PHF19: variants seen among roughly 807,000 people sequenced by gnomAD.
PHF19 encodes the protein polycomb like 3.
Under a neutral mutation model 79.8 loss-of-function variants are expected in PHF19, and 21 were observed. That is an observed-to-expected ratio of 0.26 (90% CI 0.19 to 0.38). The LOEUF (loss-of-function observed/expected upper bound fraction) is 0.38. Ranked by LOEUF, PHF19 falls within the 10% of genes least tolerant of loss-of-function variation. PHF19 has a pLI of 1.00. For synonymous variants in PHF19, 273 were observed against 296.3 expected, an observed-to-expected ratio of 0.92 and a Z score of 0.81; for missense variants, 445 against 744.2, an observed-to-expected ratio of 0.60 and a Z score of 4.68.
chr9:120,869,362 C>T lies in PHF19; in HGVS notation c.466-32G>A, dbSNP rs1239528615. ...GGAGACGAGGGCCCCAGTCAACCAC[C>T]AGGTCCGGGTGGACCACGCGAGTCA... On this transcript the variant is annotated intron_variant, in intron 5 of 14. Transcript: ENST00000373896. The surrounding 1 kb of genome is among the most constrained non-coding windows in gnomAD (Gnocchi z 5.8). 14 of 1,605,282 alleles carry T rather than the reference C, an allele frequency of 8.7e-6. No homozygotes were observed. Among genetic ancestry groups the T allele is most frequent in the Non-Finnish European group, 1.0e-5 (12 of 1,176,802 alleles).
Position 120,869,994 on chromosome 9 carries a change from A to G in PHF19, c.365-49T>C. ...AGCGCCCACAAGGACATCGTGGCCC[A>G]AGGCCAGTTGGCCCAAAGGAGGCAG... is the stretch of plus-strand genomic sequence containing the variant. On this transcript the variant is annotated intron_variant, in intron 4 of 14. Transcript: ENST00000373896. The surrounding 1 kb of genome is among the most constrained non-coding windows in gnomAD (Gnocchi z 5.8). 1 of 1,540,366 alleles carries G rather than the reference A, an allele frequency of 6.5e-7. No homozygotes were observed. Among genetic ancestry groups the G allele is most frequent in the Non-Finnish European group, 8.8e-7 (1 of 1,141,666 alleles).
At chr9:120,868,300 C>A (rs2045766676) in intron 6 of PHF19, 1 of 152,276 alleles carries the variant, frequency 6.6e-6, no homozygotes, top group Non-Finnish European at 1.5e-5. Flanking sequence ...AAAAGGTTAT[C>A]TTGACTTTCA....
intron 1 of PHF19, among the ~76,000 whole-genome samples, chr9:120,883,810 T>G (rs368771528): frequency 2.4e-3 from 310 of 128,530 alleles, no homozygotes; most frequent in Middle Eastern, 4.0e-3. Flanking sequence ...AGCTAGGGGG[T>G]GGGGCTAGGG....
chr9:120,883,647 C>A (rs985756056), intron 1 of PHF19, among the ~76,000 whole-genome samples: 12 of 151,792 alleles, frequency 7.9e-5, no homozygotes, highest in Admixed American at 7.2e-4. Context: ...GTGGTCCTAG[C>A]TACTTGGGAG....
intron 6 of PHF19, chr9:120,868,807 C>A (rs1341482395): frequency 2.0e-6 from 2 of 1,018,980 alleles, no homozygotes; most frequent in Non-Finnish European, 2.3e-6. Flanking sequence ...ACCTGCCTCA[C>A]CTCCCTGGGG....
chr9:120,894,978 C>G (rs970067128), upstream of PHF19: 1 of 375,112 alleles, frequency 2.7e-6, no homozygotes, highest in African/African-American at 2.1e-5. Context: ...CGATGGGAGC[C>G]TGCCATGGGC....
rs942519210 is a variant in PHF19, at chr9:120,891,830, A to C, written c.42+2958T>G. On this transcript the variant is annotated intron_variant, in intron 1 of 14. Transcript: ENST00000616568. This position sits in a 1 kb window ranked among gnomAD's most constrained non-coding sequence, Gnocchi z 4.3. ...GGATGCCTGTCTGAGCCCCACCCCAAATCCAAGGAGCCAGACCAGGGACCC... is the reference window on the plus strand; with the variant it reads ...GGATGCCTGTCTGAGCCCCACCCCACATCCAAGGAGCCAGACCAGGGACCC... 6.6e-6 allele frequency among the ~76,000 whole-genome samples: 1 copy of C among 151,970 alleles called. No individual in the cohort carries two copies. The highest frequency in any genetic ancestry group is 1.5e-5 in the Non-Finnish European group (1 of 67,966).
chr9:120,895,611 C>A (rs1364276234), upstream of PHF19, among the ~76,000 whole-genome samples: 1 of 152,078 alleles, frequency 6.6e-6, no homozygotes, highest in Non-Finnish European at 1.5e-5. Context: ...CAAGTGATTG[C>A]CTTAAAGAGA....
In PHF19 at chr9:120,874,328, T is replaced by G. The variant is rs1015990896; in HGVS notation, c.186+228A>C. ...GATCCTCTCAAACCTGACTTTTTTG[T>G]TTTGTAGGCTCTCAGAGCACTTTTC... is the stretch of plus-strand genomic sequence containing the variant. On this transcript the variant is annotated intron_variant, in intron 2 of 14. Transcript: ENST00000373896. This position sits in a 1 kb window ranked among gnomAD's most constrained non-coding sequence, Gnocchi z 4.5. 6.6e-6 allele frequency among the ~76,000 whole-genome samples: 1 copy of G among 152,134 alleles called. No homozygotes were observed. The highest frequency in any genetic ancestry group is 2.4e-5 in the African/African-American group (1 of 41,426).
chr9:120,876,145 C>T (rs2046042529), intron 1 of PHF19: 1 of 152,740 alleles, frequency 6.5e-6, no homozygotes, highest in Admixed American at 6.5e-5. Context: ...GCGAGCCAGG[C>T]ACTGCAGGGG....
intron 8 of PHF19, 86 bp from the exon 9 acceptor site, chr9:120,865,916 A>G: frequency 1.2e-6 from 2 of 1,601,004 alleles, no homozygotes; most frequent in Non-Finnish European, 8.6e-7. Flanking sequence ...AGGCTGAGAG[A>G]CAGGGGCAGG....
upstream of PHF19, chr9:120,877,341 G>C: frequency 4.1e-6 from 4 of 981,188 alleles, no homozygotes; most frequent in Non-Finnish European, 4.8e-6. Flanking sequence ...GTTTTCCCGC[G>C]AATTATTGAC....
At position 120,869,977 on chromosome 9, in the gene PHF19, C is replaced by T; in HGVS notation, c.365-32G>A. On this transcript the variant is annotated intron_variant, in intron 4 of 14. Transcript: ENST00000373896. This position sits in a 1 kb window ranked among gnomAD's most constrained non-coding sequence, Gnocchi z 5.8. ...CAGAGGAGGGGGCGGTGAGCGCCCA[C>T]AAGGACATCGTGGCCCAAGGCCAGT... 3.9e-6 allele frequency: 6 copies of T among 1,548,544 alleles called. No homozygotes were observed. The highest frequency in any genetic ancestry group is 5.2e-6 in the Non-Finnish European group (6 of 1,145,930).
chr9:120,893,329 C>A (rs1450797021), intron 1 of PHF19, among the ~76,000 whole-genome samples: 1 of 152,204 alleles, frequency 6.6e-6, no homozygotes, highest in African/African-American at 2.4e-5. Context: ...TCGATTCCCT[C>A]AGCTCCTTGT....
rs1201631124 is a variant in PHF19 at position 120,855,990 on chromosome 9, G to C, written c.*1954C>G. The C allele has an allele frequency of 6.5e-6, 1 of 152,684 alleles. No homozygotes were observed. Among genetic ancestry groups the C allele is most frequent in the Non-Finnish European group, 1.5e-5 (1 of 68,092 alleles). The allele number at this position is 152,684 out of a possible 1,614,324, so 9.5% of individuals were successfully genotyped here. ...CATCCCAGGCTATCTCAGAAGTCTGGAAAGCAGGCCTAGAAGGTTGCTGGG... is the reference window on the plus strand; with the variant it reads ...CATCCCAGGCTATCTCAGAAGTCTGCAAAGCAGGCCTAGAAGGTTGCTGGG... On this transcript the variant is annotated 3_prime_UTR_variant, in exon 15 of 15. Coordinates refer to ENST00000373896, the MANE Select transcript of PHF19 (RefSeq NM_015651.3).
intron 9 of PHF19, among the ~76,000 whole-genome samples, chr9:120,864,853 T>C (rs918620572): frequency 5.9e-5 from 9 of 152,124 alleles, no homozygotes; most frequent in African/African-American, 1.7e-4. Flanking sequence ...CATGCATTAG[T>C]TCTAGTGATT....
chr9:120,864,953 T>TA (rs924610970), intron 9 of PHF19, among the ~76,000 whole-genome samples: 1 of 151,884 alleles, frequency 6.6e-6, no homozygotes, highest in East Asian at 1.9e-4. Context: ...TATGTACAAT[T>TA]AAAAAAAATT....
upstream of PHF19, among the ~76,000 whole-genome samples, chr9:120,880,127 A>G (rs976097510): frequency 2.0e-5 from 3 of 152,246 alleles, no homozygotes; most frequent in African/African-American, 7.2e-5. Context: ...ACTCATAGCT[A>G]CAATTCAATG....
In PHF19 at chr9:120,869,839, G is replaced by C. The variant is rs774742635; in HGVS notation, c.465+6C>G. ...AGGCAGGGACTGGGGAGGATGGAAGGCTCACCCGCACAGCCAGTGCGAAGA... is the reference window on the plus strand; with the variant it reads ...AGGCAGGGACTGGGGAGGATGGAAGCCTCACCCGCACAGCCAGTGCGAAGA... On this transcript the variant is annotated splice_donor_region_variant and intron_variant, in intron 5 of 14. Transcript: ENST00000373896. This position sits in a 1 kb window ranked among gnomAD's most constrained non-coding sequence, Gnocchi z 5.8. 1.9e-6 allele frequency: 3 copies of C among 1,612,758 alleles called. No individual in the cohort carries two copies. Among genetic ancestry groups the C allele is most frequent in the East Asian group, 4.5e-5 (2 of 44,836 alleles).
Sources: allele counts gnomAD v4.1 joint callset (sites outside exome capture counted in the v4.1 genomes callset), GRCh38; gene constraint gnomAD v4.1.1; non-coding constraint Gnocchi (gnomAD v3.1); transcripts MANE v1.5; gene names NCBI Gene and HGNC (gene_info 2026-07-23, HGNC 2026-07-21).